The following PCSK5 variants were observed in gnomAD, a reference collection of about 807,000 sequenced individuals.
PCSK5 encodes prohormone convertase 5.
A neutral mutation model predicts 233.2 loss-of-function variants in PCSK5; 129 were observed. The observed-to-expected ratio is 0.55, with a 90% CI of 0.48 to 0.64. PCSK5 has a LOEUF of 0.64. Ranked by LOEUF, PCSK5 falls within the 30% of genes least tolerant of loss-of-function variation. The pLI is 0.00. For synonymous variants in PCSK5, 825 were observed against 879.2 expected, an observed-to-expected ratio of 0.94 and a Z score of 1.09; for missense variants, 2,076 against 2,430.1, an observed-to-expected ratio of 0.85 and a Z score of 3.06.
intron 5 of PCSK5, among the ~76,000 whole-genome samples, chr9:76,055,614 G>A (rs1193491417): frequency 2.0e-5 from 3 of 152,034 alleles, no homozygotes; most frequent in Non-Finnish European, 4.4e-5. Context: ...TACTAATGAA[G>A]GAATATAGTC....
rs1417327059 is a variant in PCSK5, at chr9:75,950,139, G to A, written c.297+17656G>A. The stretch of plus-strand genomic sequence containing the variant: ...TTTATAGTGGGACACACTTGTGTGT[G>A]TGTGTGGGGGGGGCGGGGAGGGGGG... On this transcript the variant is annotated intron_variant, in intron 2 of 37. Transcript: ENST00000674117. Among the ~76,000 whole-genome samples, 569 of 104,438 alleles carry A rather than the reference G, an allele frequency of 5.4e-3. 8 individuals are homozygous for A. Among genetic ancestry groups the A allele is most frequent in the African/African-American group, 0.02 (532 of 26,218 alleles). The allele number at this position is 104,438 out of a possible 152,430, so 68.5% of individuals were successfully genotyped here.
At chr9:76,326,918 T>C (rs1180157337) in intron 32 of PCSK5, among the ~76,000 whole-genome samples, 2 of 152,094 alleles carry the variant, frequency 1.3e-5, no homozygotes, top group Non-Finnish European at 2.9e-5. Flanking sequence ...AAGCAAACCA[T>C]GCATGCCTCT....
chr9:76,210,739 G>C (rs1359132477), intron 20 of PCSK5, among the ~76,000 whole-genome samples: 1 of 152,162 alleles, frequency 6.6e-6, no homozygotes, highest in African/African-American at 2.4e-5. Context: ...ATTGGCGTGG[G>C]GGGTGGAGAA....
At chr9:76,037,512 C>T (rs953486171) in intron 5 of PCSK5, among the ~76,000 whole-genome samples, 1 of 152,112 alleles carries the variant, frequency 6.6e-6, no homozygotes, top group African/African-American at 2.4e-5. Context: ...GTCTAATTCT[C>T]AGAGGGCAAG....
intron 3 of PCSK5, among the ~76,000 whole-genome samples, chr9:75,996,722 ATCT>A (rs1827035438): frequency 6.6e-6 from 1 of 152,152 alleles, no homozygotes; most frequent in African/African-American, 2.4e-5. Context: ...CAGGTAATTT[ATCT>A]TCTTAGCTTT....
intron 20 of PCSK5, chr9:76,193,331 A>G: frequency 6.2e-7 from 1 of 1,612,344 alleles, no homozygotes; most frequent in Non-Finnish European, 8.5e-7. Context: ...TTTGCTGCAA[A>G]ACATGTACAT....
At chr9:76,116,858 G>GT (rs1280952218) in intron 9 of PCSK5, among the ~76,000 whole-genome samples, 1 of 152,034 alleles carries the variant, frequency 6.6e-6, no homozygotes, top group African/African-American at 2.4e-5. Context: ...ACGGGACATG[G>GT]TTAATTACAA....
At chr9:75,946,214 C>G (rs1824559488) in intron 2 of PCSK5, among the ~76,000 whole-genome samples, 1 of 152,190 alleles carries the variant, frequency 6.6e-6, no homozygotes, top group Non-Finnish European at 1.5e-5. Flanking sequence ...CTAGTACTGA[C>G]ATCATTTTAT....
At chr9:76,168,630 T>C (rs1031111506) in intron 12 of PCSK5, among the ~76,000 whole-genome samples, 1 of 152,198 alleles carries the variant, frequency 6.6e-6, no homozygotes, top group Admixed American at 6.5e-5. Flanking sequence ...TGGAAATCAC[T>C]GGAAGGACTG....
intron 3 of PCSK5, among the ~76,000 whole-genome samples, chr9:75,997,185 A>G (rs943304559): frequency 5.9e-5 from 9 of 152,186 alleles, no homozygotes; most frequent in Admixed American, 2.6e-4. Flanking sequence ...GAGTTTGGCT[A>G]CTTCTGAAAG....
At chr9:75,902,193 G>T (rs1826065187) in intron 1 of PCSK5, among the ~76,000 whole-genome samples, 1 of 125,688 alleles carries the variant, frequency 8.0e-6, no homozygotes, top group Non-Finnish European at 1.6e-5. Context: ...TTCAGCCTGG[G>T]TGACAGAGTG....
At chr9:76,290,025 A>T (rs1261306448) in intron 24 of PCSK5, among the ~76,000 whole-genome samples, 1 of 152,168 alleles carries the variant, frequency 6.6e-6, no homozygotes, top group Non-Finnish European at 1.5e-5. Context: ...GGGAGGGATG[A>T]CCAGAACATT....
At chr9:76,265,382 C>A (rs1340194465) in intron 24 of PCSK5, among the ~76,000 whole-genome samples, 1 of 151,716 alleles carries the variant, frequency 6.6e-6, no homozygotes, top group African/African-American at 2.4e-5. Flanking sequence ...ACATATACCA[C>A]CTGAATTGAA....
At chr9:76,104,855 GA>G (rs1831912874) in intron 8 of PCSK5, among the ~76,000 whole-genome samples, 1 of 152,172 alleles carries the variant, frequency 6.6e-6, no homozygotes, top group Non-Finnish European at 1.5e-5. Context: ...GATAAAATAG[GA>G]AGAATGCAGG....
intron 3 of PCSK5, among the ~76,000 whole-genome samples, chr9:76,012,735 G>A (rs1047790903): frequency 6.6e-6 from 1 of 152,118 alleles, no homozygotes; most frequent in Non-Finnish European, 1.5e-5. Flanking sequence ...GGTCACAGTG[G>A]GCTAGTGTGT....
intron 9 of PCSK5, among the ~76,000 whole-genome samples, chr9:76,111,259 A>G (rs1252217490): frequency 1.3e-5 from 2 of 152,218 alleles, no homozygotes; most frequent in Non-Finnish European, 2.9e-5. Context: ...CTTGAATGAA[A>G]TTGTTCTGCT....
chr9:76,334,277 G>A (rs1217260565), intron 34 of PCSK5, among the ~76,000 whole-genome samples: 5 of 152,320 alleles, frequency 3.3e-5, no homozygotes, highest in Non-Finnish European at 7.3e-5. Flanking sequence ...AGATTTGGGT[G>A]AGACACAGAA....
At chr9:76,327,802 A>G (rs1829409787) in intron 32 of PCSK5, among the ~76,000 whole-genome samples, 1 of 152,204 alleles carries the variant, frequency 6.6e-6, no homozygotes, top group African/African-American at 2.4e-5. Flanking sequence ...ATAAAATAAT[A>G]ATTTTCTCTC....
intron 7 of PCSK5, among the ~76,000 whole-genome samples, chr9:76,079,396 C>T (rs1265112661): frequency 6.6e-6 from 1 of 152,094 alleles, no homozygotes; most frequent in Non-Finnish European, 1.5e-5. Context: ...GCCTTGGCCT[C>T]CCAAGTGCTG....
Sources: allele counts gnomAD v4.1 joint callset (sites outside exome capture counted in the v4.1 genomes callset), GRCh38; gene constraint gnomAD v4.1.1; transcripts MANE v1.5; gene names NCBI Gene and HGNC (gene_info 2026-07-23, HGNC 2026-07-21).